The following PINK1 variants were observed in gnomAD, a reference collection of about 807,000 sequenced individuals.
PINK1 encodes the protein serine/threonine-protein kinase PINK1, mitochondrial.
Under a neutral mutation model 56.0 loss-of-function variants are expected in PINK1, and 58 were observed. The ratio of observed to expected loss-of-function variants is 1.04; its 90% CI spans 0.84 to 1.29. The LOEUF is 1.29. PINK1 is among the 50% of genes most tolerant of loss of function. PINK1 has a pLI of 0.00. For synonymous variants in PINK1, 354 were observed against 339.3 expected (o/e 1.04, Z -0.48); for missense variants, 745 against 777.9 (o/e 0.96, Z 0.50).
intron 2 of PINK1, chr1:20,638,659 C>A (rs1043433821): frequency 3.5e-5 from 7 of 201,020 alleles, no homozygotes; most frequent in Middle Eastern, 2.2e-3. Flanking sequence ...AACAAACAAA[C>A]AAAAAAAACC....
chr1:20,650,580 A>G lies in PINK1; in HGVS notation c.1635A>G (p.Thr545=). 1 of 1,614,238 alleles carries G rather than the reference A, an allele frequency of 6.2e-7. No individual in the cohort carries two copies. Among genetic ancestry groups the G allele is most frequent in the Non-Finnish European group, 8.5e-7 (1 of 1,180,042 alleles). Residue 545 remains threonine (T), a synonymous_variant, in exon 8 of 8, where the codon ACA becomes ACG. Coordinates refer to ENST00000321556, the MANE Select transcript of PINK1 (RefSeq NM_032409.3). ...SAATLLANRL[T]EKCCVETKMK... is the part of the protein sequence containing the mutation. ...CCACTTTGTTGGCCAACAGGCTCAC[A>G]GAGAAGTGTTGTGTGGAAACAAAAA...
intron 5 of PINK1, chr1:20,648,287 G>C: frequency 1.6e-6 from 1 of 618,974 alleles, no homozygotes; most frequent in Non-Finnish European, 2.9e-6. Context: ...ACAGTCCTTT[G>C]CCTGGGGATT....
chr1:20,646,867 TTTATTTAC>T (rs1425232688), intron 5 of PINK1, among the ~76,000 whole-genome samples: 346 of 21,276 alleles, frequency 0.016, 2 homozygotes, highest in African/African-American at 0.031. Flanking sequence ...TATTTCTTTA[TTTATTTAC>T]TTATTTATTT....
chr1:20,646,039 T>C (rs1427305389), intron 5 of PINK1, among the ~76,000 whole-genome samples: 1 of 152,076 alleles, frequency 6.6e-6, no homozygotes, highest in Non-Finnish European at 1.5e-5. Flanking sequence ...TTTGGGAGGC[T>C]TGCTTGAGGA....
chr1:20,650,160 G>C (rs1266596052), intron 7 of PINK1: 1 of 523,948 alleles, frequency 1.9e-6, no homozygotes, highest in African/African-American at 1.9e-5. Context: ...GGACCAGATA[G>C]CTGTGCACAA....
chr1:20,649,092 T>A lies in PINK1; in HGVS notation c.1349T>A (p.Val450Asp). The change falls in exon 7 of 8, where the codon GTC (valine) becomes GAC (aspartate). Residue 450 changes from valine (V) to aspartate (D), a missense_variant. Physicochemically the swap from Val to Asp is radical, Grantham distance 152. Transcript: ENST00000321556. ...GAIAYEIFGL[V>D]NPFYGQGKAH... ...ATCGCCTATGAAATCTTCGGGCTTG[T>A]CAATCCCTTCTACGGCCAGGGCAAG... The A allele has an allele frequency of 6.2e-7, 1 of 1,614,204 alleles. No homozygotes were observed. Among genetic ancestry groups the A allele is most frequent in the Non-Finnish European group, 8.5e-7 (1 of 1,180,044 alleles).
In PINK1 at chr1:20,645,607, C is replaced by T; in HGVS notation, c.1007C>T (p.Pro336Leu). The T allele has an allele frequency of 1.2e-6, 2 of 1,614,174 alleles. No homozygotes were observed. Among genetic ancestry groups the T allele is most frequent in the South Asian group, 2.2e-5 (2 of 91,082 alleles). Residue 336 changes from proline (P) to leucine (L), a missense_variant, in exon 5 of 8, where the codon CCC becomes CTC. Pro to Leu is a moderately conservative substitution (Grantham distance 98, BLOSUM62 -3). Coordinates refer to ENST00000321556, the MANE Select transcript of PINK1 (RefSeq NM_032409.3). ...TACCTTTGTGTGAACACACCCAGCCCCCGCCTCGCCGCCATGATGCTGCTG... is the reference window on the plus strand; with the variant it reads ...TACCTTTGTGTGAACACACCCAGCCTCCGCCTCGCCGCCATGATGCTGCTG... The part of the protein sequence containing the change: ...RQYLCVNTPS[P>L]RLAAMMLLQL...
intron 1 of PINK1, among the ~76,000 whole-genome samples, chr1:20,637,396 C>T (rs888021183): frequency 1.3e-5 from 2 of 152,180 alleles, no homozygotes; most frequent in Admixed American, 6.5e-5. Flanking sequence ...TCTGGGGATG[C>T]GCCTGATGTC....
chr1:20,648,244 C>G, intron 5 of PINK1: 1 of 517,866 alleles, frequency 1.9e-6, no homozygotes, highest in Admixed American at 3.0e-5. Context: ...GGGGACAGCT[C>G]CAATTACTAG....
Position 20,638,043 on chromosome 1 carries a change from G to T in PINK1, c.589G>T (p.Gly197Cys). The T allele has an allele frequency of 6.2e-7, 1 of 1,614,174 alleles. No individual in the cohort carries two copies. The highest frequency in any genetic ancestry group is 1.3e-5 in the African/African-American group (1 of 75,034). The change falls in exon 2 of 8, where the codon GGT becomes TGT. Residue 197 changes from glycine to cysteine, a missense_variant. Transcript: ENST00000321556. ...CGGGTTGCTTCCAGGGAGAGGCCCA[G>T]GTACCAGTGCACCAGGAGAAGGGCA... ...STGLLPGRGPGTSAPGEGQER... is the reference protein window; with the variant it reads ...STGLLPGRGPCTSAPGEGQER...
chr1:20,647,698 T>G (rs1265599398), intron 5 of PINK1, among the ~76,000 whole-genome samples: 1 of 152,142 alleles, frequency 6.6e-6, no homozygotes, highest in Non-Finnish European at 1.5e-5. Context: ...CTGGAACTCC[T>G]GACTTCGTGA....
intron 3 of PINK1, 73 bp downstream of exon 3, chr1:20,640,065 G>A: frequency 8.1e-7 from 1 of 1,234,210 alleles, no homozygotes; most frequent in Non-Finnish European, 1.2e-6. Context: ...TATGTCCTCA[G>A]CACCTGGTAC....
chr1:20,633,506 G>A lies in PINK1; in HGVS notation c.-43G>A. On this transcript the variant is annotated 5_prime_UTR_variant, in exon 1 of 8. Coordinates refer to ENST00000321556, the MANE Select transcript of PINK1 (RefSeq NM_032409.3). The stretch of plus-strand genomic sequence containing the variant: ...GTGACCGGCGGGGGACGCCGGTGGT[G>A]GCGGCAGCGGCGGCTGCGGGGGCAC... 9.0e-7 allele frequency: 1 copy of A among 1,116,436 alleles called. No homozygotes were observed. The highest frequency in any genetic ancestry group is 1.1e-6 in the Non-Finnish European group (1 of 915,054). 69.2% of individuals were successfully genotyped at this position (1,116,436 alleles called of 1,614,324 possible).
chr1:20,645,836 T>TA, intron 5 of PINK1, 113 bp downstream of exon 5: 1 of 1,394,838 alleles, frequency 7.2e-7, no homozygotes, highest in Non-Finnish European at 1.0e-6. Flanking sequence ...GTCATGTCTT[T>TA]ATTTAGCTCC....
intron 5 of PINK1, 110 bp downstream of exon 5, chr1:20,645,833 CTTTA>C (rs2053173767): frequency 7.2e-7 from 1 of 1,396,590 alleles, no homozygotes; most frequent in Non-Finnish European, 1.0e-6. Context: ...TAAGTCATGT[CTTTA>C]TTTAGCTCCG....
rs1261948358 is a variant in PINK1 at position 20,638,042 on chromosome 1, A to T, written c.588A>T (p.Pro196=). 1 of 1,614,198 alleles carries T rather than the reference A, an allele frequency of 6.2e-7. No homozygotes were observed. The highest frequency in any genetic ancestry group is 8.5e-7 in the Non-Finnish European group (1 of 1,180,026). Residue 196 remains proline (P), a synonymous_variant, in exon 2 of 8, where the codon CCA becomes CCT. Coordinates refer to ENST00000321556, the MANE Select transcript of PINK1 (RefSeq NM_032409.3). ...CCGGGTTGCTTCCAGGGAGAGGCCCAGGTACCAGTGCACCAGGAGAAGGGC... is the reference window on the plus strand; with the variant it reads ...CCGGGTTGCTTCCAGGGAGAGGCCCTGGTACCAGTGCACCAGGAGAAGGGC... The part of the protein sequence containing the change: ...KSTGLLPGRG[P]GTSAPGEGQE...
In PINK1 at chr1:20,650,551, G is replaced by T. The variant is rs1265322947; in HGVS notation, c.1606G>T (p.Ala536Ser). The change falls in exon 8 of 8, where the codon GCC becomes TCC. Residue 536 changes from alanine to serine, a missense_variant. By Grantham distance (99) the Ala-to-Ser change is moderately conservative. Transcript: ENST00000321556. The stretch of plus-strand genomic sequence containing the variant: ...GGTTGGCTGGCTCCTCCAACAATCG[G>T]CCGCCACTTTGTTGGCCAACAGGCT... ...KMVGWLLQQS[A>S]ATLLANRLTE... 6.2e-6 allele frequency: 10 copies of T among 1,614,122 alleles called. No homozygotes were observed. Among genetic ancestry groups the T allele is most frequent in the Non-Finnish European group, 8.5e-6 (10 of 1,180,064 alleles).
rs1235466277 is a variant in PINK1 at position 20,633,755 on chromosome 1, C to T, written c.207C>T (p.Phe69=). Residue 69 remains phenylalanine, a synonymous_variant, in exon 1 of 8, where the codon TTC becomes TTT. Transcript: ENST00000321556. The part of the protein sequence containing the change: ...VGLGLPNRLR[F]FRQSVAGLAA... ...TCGGGCTCCCTAACCGTCTCCGCTT[C>T]TTCCGCCAGTCGGTGGCCGGGCTGG... is the stretch of plus-strand genomic sequence containing the variant. 2.6e-6 allele frequency: 4 copies of T among 1,549,750 alleles called. No individual in the cohort carries two copies. The highest frequency in any genetic ancestry group is 3.8e-5 in the Admixed American group (2 of 52,174).
intron 2 of PINK1, chr1:20,638,767 C>G (rs565723396): frequency 1.3e-5 from 2 of 156,300 alleles, no homozygotes; most frequent in Non-Finnish European, 2.8e-5. Flanking sequence ...CTCTGTCAAC[C>G]ACACTTTGAG....
Sources: gnomAD v4.1 joint callset for allele counts (sites outside exome capture counted in the v4.1 genomes callset) on GRCh38, gnomAD v4.1.1 for gene constraint, MANE v1.5 for transcripts, NCBI Gene and HGNC (gene_info 2026-07-23, HGNC 2026-07-21) for gene names.